ATP7B: variants seen among roughly 807,000 people sequenced by gnomAD.
ATP7B encodes ATPase copper transporting beta, also known as copper-transporting ATPase 2.
In ATP7B, 113 loss-of-function variants were observed where a neutral mutation model predicts 118.9. The observed-to-expected ratio is 0.95, with a 90% CI of 0.82 to 1.11. The LOEUF (loss-of-function observed/expected upper bound fraction) is 1.11, where lower values mean the gene tolerates loss of function less well. ATP7B is among the 50% of genes most tolerant of loss of function. The pLI is 0.00. For synonymous variants in ATP7B, 777 were observed against 727.4 expected (o/e 1.07, Z -1.10); for missense variants, 1,867 against 1,871.4 (o/e 1.00, Z 0.04).
upstream of ATP7B, chr13:52,011,539 C>G (rs373464885): frequency 1.9e-3 from 1,255 of 672,896 alleles, 13 homozygotes; most frequent in African/African-American, 0.02. Flanking sequence ...CCTCTTCACA[C>G]GGATGATTCA....
intron 1 of ATP7B, among the ~76,000 whole-genome samples, chr13:51,979,964 C>T (rs936822768): frequency 1.3e-5 from 2 of 152,182 alleles, no homozygotes; most frequent in Non-Finnish European, 2.9e-5. Flanking sequence ...CTCTACAAAA[C>T]ACTAAAGTAT....
At chr13:51,966,706 G>C (rs1267868232) in intron 4 of ATP7B, 35 of 1,541,120 alleles carry the variant, frequency 2.3e-5, no homozygotes, top group Non-Finnish European at 3.0e-5. Context: ...TGCCGACGTA[G>C]ACCCTGCTCT....
chr13:51,990,852 G>C (rs1952873271), intron 1 of ATP7B, among the ~76,000 whole-genome samples: 1 of 152,234 alleles, frequency 6.6e-6, no homozygotes, highest in Non-Finnish European at 1.5e-5. Context: ...CACTTCGGGA[G>C]GCCGAGGCAG....
chr13:51,957,405 C>T, intron 9 of ATP7B, 111 bp downstream of exon 9: 1 of 1,107,368 alleles, frequency 9.0e-7, no homozygotes. Context: ...TACTGTGTCT[C>T]TGCCCACACT....
chr13:51,998,790 G>A lies in ATP7B; in HGVS notation c.51+12497C>T, dbSNP rs58664885. ...GCCCAAAGGCAGATGGGCAGCTCAT[G>A]TTTCCATGAACCTCCAGGACAAAGG... On this transcript the variant is annotated intron_variant, in intron 1 of 20. Transcript: ENST00000242839. 8.5e-4 allele frequency among the ~76,000 whole-genome samples: 129 copies of A among 152,352 alleles called. 1 individual carries two copies. The East Asian group carries it at 0.024, about 28-fold the overall frequency.
chr13:51,955,614 T>C (rs1446567866), intron 9 of ATP7B, among the ~76,000 whole-genome samples: 1 of 152,040 alleles, frequency 6.6e-6, no homozygotes, highest in African/African-American at 2.4e-5. Flanking sequence ...CCTGGAATAG[T>C]TCCAAGCAAC....
intron 2 of ATP7B, among the ~76,000 whole-genome samples, chr13:51,972,314 C>T (rs1951880521): frequency 1.3e-5 from 2 of 152,184 alleles, no homozygotes; most frequent in Non-Finnish European, 1.5e-5. Context: ...CTCTGCGGCT[C>T]GCATTATGTC....
chr13:51,988,661 G>A (rs188266367), intron 1 of ATP7B, among the ~76,000 whole-genome samples: 36 of 152,192 alleles, frequency 2.4e-4, no homozygotes, highest in African/African-American at 8.7e-4. Context: ...CAACCCAAAT[G>A]CCCATTAATG....
chr13:51,949,562 A>C, intron 12 of ATP7B, 100 bp downstream of exon 12: 1 of 1,526,356 alleles, frequency 6.6e-7, no homozygotes, highest in Non-Finnish European at 9.0e-7. Flanking sequence ...AATGTAATGA[A>C]TAATTAAAGC....
chr13:51,967,159 C>G, intron 4 of ATP7B: 1 of 1,573,286 alleles, frequency 6.4e-7, no homozygotes, highest in South Asian at 1.1e-5. Context: ...AAAATTCCAT[C>G]ATCACTTTGG....
rs926594050 is a variant in ATP7B at position 51,966,941 on chromosome 13, G to A, written c.1707+1503C>T. On this transcript the variant is annotated intron_variant, in intron 4 of 20. Transcript: ENST00000242839. ...ACTTTGAAAACAACACAGTTTTCTT[G>A]TACCCTGGGAGATGAGTTTGAAGAA... is the stretch of plus-strand genomic sequence containing the variant. 87 of 1,613,132 alleles carry A rather than the reference G, an allele frequency of 5.4e-5. No individual in the cohort carries two copies. In the Middle Eastern group the frequency reaches 1.6e-3, roughly 31 times the overall value.
intron 3 of ATP7B, 97 bp downstream of exon 3, chr13:51,970,395 A>C: frequency 1.3e-6 from 2 of 1,550,454 alleles, no homozygotes; most frequent in Non-Finnish European, 1.8e-6. Context: ...CCTGGTTATC[A>C]GGGCTACTGA....
intron 5 of ATP7B, among the ~76,000 whole-genome samples, chr13:51,963,005 T>C (rs1034066592): frequency 3.3e-5 from 5 of 151,832 alleles, no homozygotes; most frequent in African/African-American, 4.8e-5. Flanking sequence ...GGCAGGAGAA[T>C]TGCTTGAACC....
At chr13:51,959,825 A>C (rs1958612427) in intron 7 of ATP7B, 1 of 391,974 alleles carries the variant, frequency 2.6e-6, no homozygotes, top group African/African-American at 2.1e-5. Context: ...AACCTAAACA[A>C]TATGCACATT....
At chr13:51,959,012 T>C (rs149103174) in intron 7 of ATP7B, 262 of 186,946 alleles carry the variant, frequency 1.4e-3, no homozygotes, top group African/African-American at 5.6e-3. Context: ...CGTGAACATA[T>C]ACATACACAT....
chr13:51,952,850 A>C (rs962957751), intron 9 of ATP7B, among the ~76,000 whole-genome samples: 1 of 152,174 alleles, frequency 6.6e-6, no homozygotes, highest in African/African-American at 2.4e-5. Flanking sequence ...GGTGATTTTT[A>C]TTATCACCTA....
At chr13:51,961,336 G>C (rs1958728856) in intron 6 of ATP7B, among the ~76,000 whole-genome samples, 1 of 151,482 alleles carries the variant, frequency 6.6e-6, no homozygotes, top group African/African-American at 2.4e-5. Flanking sequence ...TGAGTAACTG[G>C]CCATCTGAAA....
At position 51,941,165 on chromosome 13, in the gene ATP7B, C is replaced by T. The variant is rs776086518; in HGVS notation, c.3472G>A (p.Gly1158Ser). The T allele has an allele frequency of 3.1e-6, 5 of 1,613,922 alleles. No individual in the cohort carries two copies. Among genetic ancestry groups the T allele is most frequent in the Non-Finnish European group, 3.4e-6 (4 of 1,180,024 alleles). Reference sequence around the variant, plus strand: ...CTGACATCGCTAGAAATGGTTAAACCGTTGCGCCTCAGCCACTCACGGTTT... The same window carrying T: ...CTGACATCGCTAGAAATGGTTAAACTGTTGCGCCTCAGCCACTCACGGTTT... Reference protein sequence around the residue: ...IGNREWLRRNGLTISSDVSDA... With the variant: ...IGNREWLRRNSLTISSDVSDA... Residue 1158 changes from glycine (G) to serine (S), a missense_variant, in exon 16 of 21, where the codon GGT becomes AGT. Coordinates refer to ENST00000242839, the MANE Select transcript of ATP7B (RefSeq NM_000053.4).
At chr13:51,963,406 C>T (rs945364929) in intron 5 of ATP7B, among the ~76,000 whole-genome samples, 5 of 152,126 alleles carry the variant, frequency 3.3e-5, no homozygotes, top group African/African-American at 1.2e-4. Flanking sequence ...GGGTGGGGCC[C>T]TGGACCATCA....
Sources: allele counts gnomAD v4.1 joint callset (sites outside exome capture counted in the v4.1 genomes callset), GRCh38; gene constraint gnomAD v4.1.1; transcripts MANE v1.5; gene names NCBI Gene and HGNC (gene_info 2026-07-23, HGNC 2026-07-21).